Variants in DNER observed in about 807,000 individuals in gnomAD.
The protein encoded by DNER is delta and Notch-like epidermal growth factor-related receptor.
In DNER, 33 loss-of-function variants were observed where a neutral mutation model predicts 78.2. That is an observed-to-expected ratio of 0.42 (90% CI 0.32 to 0.56). The LOEUF is 0.56. DNER is among the 20% of genes least tolerant of loss of function. The pLI is 0.11. For synonymous variants in DNER, 417 were observed against 384.8 expected (o/e 1.08, Z -0.98); for missense variants, 918 against 975.3 (o/e 0.94, Z 0.78).
intron 1 of DNER, among the ~76,000 whole-genome samples, chr2:229,604,972 C>T (rs548371883): frequency 2.5e-4 from 38 of 152,208 alleles, no homozygotes; most frequent in African/African-American, 3.9e-4. Flanking sequence ...ACAAATTGCA[C>T]GTGTGTTCAG....
At chr2:229,680,119 C>A (rs1480331434) in intron 1 of DNER, among the ~76,000 whole-genome samples, 1 of 152,142 alleles carries the variant, frequency 6.6e-6, no homozygotes, top group Non-Finnish European at 1.5e-5. Flanking sequence ...ATAAGGCACA[C>A]CCTCTACAAC....
intron 4 of DNER, among the ~76,000 whole-genome samples, chr2:229,574,364 T>C (rs747361630): frequency 6.6e-6 from 1 of 152,162 alleles, no homozygotes; most frequent in Non-Finnish European, 1.5e-5. Flanking sequence ...AACGATAGCC[T>C]ATTGATAATA....
intron 1 of DNER, among the ~76,000 whole-genome samples, chr2:229,628,775 C>T (rs1022625266): frequency 6.6e-6 from 1 of 152,136 alleles, no homozygotes; most frequent in Admixed American, 6.5e-5. Flanking sequence ...GTAATCTTAC[C>T]CTCTGCAGCC....
At chr2:229,472,120 G>A (rs1040910115) in intron 7 of DNER, among the ~76,000 whole-genome samples, 1 of 152,214 alleles carries the variant, frequency 6.6e-6, no homozygotes, top group Non-Finnish European at 1.5e-5. Flanking sequence ...TAATTACAGT[G>A]CAAGAGTGGT....
rs542287440 is a variant in DNER, at chr2:229,533,418, G to A, written c.993+13529C>T. Among the ~76,000 whole-genome samples, 8 of 152,230 alleles carry A rather than the reference G, an allele frequency of 5.3e-5. No individual in the cohort carries two copies. The South Asian group carries it at 6.2e-4, about 12-fold the overall frequency. On this transcript the variant is annotated intron_variant, in intron 5 of 12. Coordinates refer to ENST00000341772, the MANE Select transcript of DNER (RefSeq NM_139072.4). ...ATACCTCCGTAAGAGGCAAAGCCGC[G>A]GCTTTGAAGCGGTAGACTGGGGATC...
chr2:229,501,443 T>A (rs1046814423), intron 6 of DNER, among the ~76,000 whole-genome samples: 8 of 150,526 alleles, frequency 5.3e-5, no homozygotes, highest in Admixed American at 2.0e-4. Context: ...AAAAAAAAAA[T>A]TTTGTACTGA....
At chr2:229,602,351 T>C (rs953180322) in intron 1 of DNER, among the ~76,000 whole-genome samples, 1 of 152,078 alleles carries the variant, frequency 6.6e-6, no homozygotes, top group African/African-American at 2.4e-5. Context: ...TGATAAAGAG[T>C]ATCTACAAAA....
intron 1 of DNER, among the ~76,000 whole-genome samples, chr2:229,650,400 A>G (rs1419736650): frequency 6.6e-6 from 1 of 152,200 alleles, no homozygotes; most frequent in Non-Finnish European, 1.5e-5. Context: ...ACCCATCACC[A>G]AGGACAGGGA....
intron 1 of DNER, among the ~76,000 whole-genome samples, chr2:229,596,653 G>T (rs1183447224): frequency 6.6e-6 from 1 of 152,224 alleles, no homozygotes; most frequent in Non-Finnish European, 1.5e-5. Flanking sequence ...ACATCCAGGA[G>T]TCAGTCCCAC....
chr2:229,590,885 C>T lies in DNER; in HGVS notation c.585+695G>A, dbSNP rs1295764006. On this transcript the variant is annotated intron_variant, in intron 2 of 12. Transcript: ENST00000341772. ...GTTTGGGCCATGGGGGCAGATCTCT[C>T]ATGAAAGACTTAGCACCGTCCCCTT... 2.6e-5 allele frequency among the ~76,000 whole-genome samples: 4 copies of T among 152,202 alleles called. No individual in the cohort carries two copies. In the East Asian group the frequency reaches 5.8e-4, roughly 22 times the overall value.
chr2:229,515,815 T>C (rs555741156), intron 5 of DNER, among the ~76,000 whole-genome samples: 15 of 152,162 alleles, frequency 9.9e-5, no homozygotes, highest in Admixed American at 9.2e-4. Flanking sequence ...TAATTTTTTA[T>C]ATTTTTAGTA....
chr2:229,466,275 T>G (rs1694803370), intron 7 of DNER, among the ~76,000 whole-genome samples: 1 of 152,176 alleles, frequency 6.6e-6, no homozygotes, highest in African/African-American at 2.4e-5. Flanking sequence ...CATCACATTC[T>G]GCAGTACGGC....
chr2:229,675,422 T>C (rs965343258), intron 1 of DNER, among the ~76,000 whole-genome samples: 4 of 152,178 alleles, frequency 2.6e-5, no homozygotes, highest in South Asian at 2.1e-4. Flanking sequence ...TTTGATTCAG[T>C]TCAAAGAATT....
intron 4 of DNER, among the ~76,000 whole-genome samples, chr2:229,572,880 C>A (rs887629017): frequency 6.6e-6 from 1 of 152,086 alleles, no homozygotes; most frequent in Non-Finnish European, 1.5e-5. Flanking sequence ...CATGAGACAA[C>A]AAGATTTATC....
At chr2:229,427,369 A>C (rs1693901152) in intron 8 of DNER, among the ~76,000 whole-genome samples, 1 of 152,316 alleles carries the variant, frequency 6.6e-6, no homozygotes, top group Admixed American at 6.5e-5. Context: ...TCATTCTTTA[A>C]GTCAACAAAT....
chr2:229,682,915 A>C lies in DNER; in HGVS notation c.276+31233T>G, dbSNP rs114502371. 4.0e-3 allele frequency among the ~76,000 whole-genome samples: 609 copies of C among 152,308 alleles called. 4 individuals are homozygous for C. Among genetic ancestry groups the C allele is most frequent in the African/African-American group, 0.014 (583 of 41,576 alleles). On this transcript the variant is annotated intron_variant, in intron 1 of 12. Transcript: ENST00000341772. ...GTGAGAACCACAGCAAGAAGTCAAG[A>C]CTGGTTATCAGCAAGGGTTATTGCT...
At position 229,513,030 on chromosome 2, in the gene DNER, T is replaced by C. The variant is rs1011133829; in HGVS notation, c.994-94A>G. On this transcript the variant is annotated intron_variant, in intron 5 of 12. Coordinates refer to ENST00000341772, the MANE Select transcript of DNER (RefSeq NM_139072.4). Reference sequence around the variant, plus strand: ...TCAAAGTTTGAAAGAACCACTTCCTTTTTATAATCAGCAATTTAATCAAAT... The same window carrying C: ...TCAAAGTTTGAAAGAACCACTTCCTCTTTATAATCAGCAATTTAATCAAAT... The C allele has an allele frequency of 4.4e-6, 6 of 1,349,734 alleles. No individual in the cohort carries two copies. In the Admixed American group the frequency reaches 1.5e-4, roughly 35 times the overall value. The allele number at this position is 1,349,734 out of a possible 1,614,324, so 83.6% of individuals were successfully genotyped here. A position where few individuals can be genotyped will look rare whatever the true frequency, so the allele number is the denominator to read the frequency against.
intron 11 of DNER, among the ~76,000 whole-genome samples, chr2:229,384,135 C>A (rs1284862575): frequency 6.6e-6 from 1 of 152,178 alleles, no homozygotes; most frequent in Non-Finnish European, 1.5e-5. Context: ...TACATGGAAA[C>A]TGAACAACCT....
intron 5 of DNER, among the ~76,000 whole-genome samples, chr2:229,536,422 A>G (rs760380184): frequency 6.6e-6 from 1 of 152,198 alleles, no homozygotes; most frequent in Non-Finnish European, 1.5e-5. Context: ...CTCCAAGGTG[A>G]TAAGTGGAAG....
Sources: gnomAD v4.1 joint callset for allele counts (sites outside exome capture counted in the v4.1 genomes callset) on GRCh38, gnomAD v4.1.1 for gene constraint, MANE v1.5 for transcripts, NCBI Gene and HGNC (gene_info 2026-07-23, HGNC 2026-07-21) for gene names.